The following EYA1 variants were observed in gnomAD, a reference collection of about 807,000 sequenced individuals.
The protein encoded by EYA1 is EYA transcriptional coactivator and phosphatase 1.
In EYA1, 16 loss-of-function variants were observed where a neutral mutation model predicts 82.0. The ratio of observed to expected loss-of-function variants is 0.20; its 90% CI spans 0.13 to 0.30. The LOEUF (loss-of-function observed/expected upper bound fraction) is 0.30, where lower values mean the gene tolerates loss of function less well. Among genes scored for constraint, EYA1 ranks in the 10% least tolerant of loss-of-function variants. The pLI is 1.00. For synonymous variants in EYA1, 261 were observed against 264.4 expected, an observed-to-expected ratio of 0.99 and a Z score of 0.12; for missense variants, 633 against 730.7, an observed-to-expected ratio of 0.87 and a Z score of 1.54.
intron 11 of EYA1, among the ~76,000 whole-genome samples, chr8:71,247,043 T>C (rs1482993208): frequency 6.9e-6 from 1 of 144,018 alleles, no homozygotes; most frequent in Non-Finnish European, 1.5e-5. Flanking sequence ...CTCTAATACT[T>C]CCTACTGTCT....
At chr8:71,258,626 G>A (rs1814729049) in intron 11 of EYA1, among the ~76,000 whole-genome samples, 2 of 152,256 alleles carry the variant, frequency 1.3e-5, no homozygotes, top group South Asian at 4.1e-4. Context: ...GGAGCGGAAG[G>A]GAGTACATTC....
At chr8:71,471,195 G>A (rs943506565) in intron 2 of EYA1, among the ~76,000 whole-genome samples, 2 of 151,844 alleles carry the variant, frequency 1.3e-5, no homozygotes, top group African/African-American at 4.8e-5. Flanking sequence ...CTTACTCTGG[G>A]GAAAGGGTCA....
chr8:71,521,068 A>T (rs10112570), intron 2 of EYA1, among the ~76,000 whole-genome samples: 58 of 147,278 alleles, frequency 3.9e-4, no homozygotes, highest in East Asian at 2.8e-3. Context: ...ACCTCTTTTT[A>T]AAAAAAAAAA....
At chr8:71,400,458 AAC>A (rs1383932769) in intron 2 of EYA1, among the ~76,000 whole-genome samples, 1 of 150,656 alleles carries the variant, frequency 6.6e-6, no homozygotes, top group Admixed American at 6.6e-5. Context: ...AAGAAAAAAA[AAC>A]ATTAAAAAGT....
chr8:71,228,587 G>A (rs1810833722), intron 12 of EYA1, among the ~76,000 whole-genome samples: 1 of 152,152 alleles, frequency 6.6e-6, no homozygotes, highest in Non-Finnish European at 1.5e-5. Flanking sequence ...AAAATATTAT[G>A]TATCATTAGA....
At chr8:71,427,801 C>A (rs933700846) in intron 2 of EYA1, among the ~76,000 whole-genome samples, 1 of 151,990 alleles carries the variant, frequency 6.6e-6, no homozygotes, top group African/African-American at 2.4e-5. Context: ...GGGAGGATTG[C>A]TTGAGTCTAG....
At chr8:71,513,213 T>C (rs563788235) in intron 2 of EYA1, among the ~76,000 whole-genome samples, 1 of 151,724 alleles carries the variant, frequency 6.6e-6, no homozygotes, top group African/African-American at 2.4e-5. Flanking sequence ...GGTGACAAAA[T>C]GTAAATTCAC....
intron 1 of EYA1, among the ~76,000 whole-genome samples, chr8:71,539,476 A>G (rs1411129188): frequency 6.6e-6 from 1 of 152,168 alleles, no homozygotes; most frequent in Non-Finnish European, 1.5e-5. Flanking sequence ...TCTGTTGCTG[A>G]GCAGAATGGG....
intron 9 of EYA1, among the ~76,000 whole-genome samples, chr8:71,277,735 T>C (rs79406200): frequency 0.062 from 9,463 of 152,254 alleles, 385 homozygotes; most frequent in African/African-American, 0.11. Flanking sequence ...GAGAGCATGG[T>C]AAGTGTCTAG....
intron 2 of EYA1, among the ~76,000 whole-genome samples, chr8:71,456,717 C>T (rs574658605): frequency 6.6e-6 from 1 of 152,180 alleles, no homozygotes; most frequent in South Asian, 2.1e-4. Context: ...ATGTAGGAAG[C>T]TGAAACTGGA....
At chr8:71,245,302 C>T (rs1479442624) in intron 11 of EYA1, among the ~76,000 whole-genome samples, 1 of 152,116 alleles carries the variant, frequency 6.6e-6, no homozygotes, top group Non-Finnish European at 1.5e-5. Flanking sequence ...TCTCAGCTCA[C>T]TGCAGCCTCC....
intron 2 of EYA1, among the ~76,000 whole-genome samples, chr8:71,529,085 G>C (rs1814049945): frequency 6.6e-6 from 1 of 152,112 alleles, no homozygotes; most frequent in Admixed American, 6.5e-5. Flanking sequence ...ACAAAATTGA[G>C]GCGTAGAAAT....
At chr8:71,321,179 A>G (rs1029134321) in intron 6 of EYA1, among the ~76,000 whole-genome samples, 2 of 152,192 alleles carry the variant, frequency 1.3e-5, no homozygotes, top group African/African-American at 2.4e-5. Flanking sequence ...GGAAGGAACA[A>G]ATGTCCATGT....
chr8:71,391,776 G>A (rs1829292859), intron 2 of EYA1, among the ~76,000 whole-genome samples: 1 of 152,114 alleles, frequency 6.6e-6, no homozygotes, highest in Non-Finnish European at 1.5e-5. Context: ...TTGGACAGTG[G>A]TTCATACTGT....
At chr8:71,217,437 A>G (rs1809350691) in intron 12 of EYA1, among the ~76,000 whole-genome samples, 1 of 152,254 alleles carries the variant, frequency 6.6e-6, no homozygotes, top group East Asian at 1.9e-4. Context: ...GCTAACTGCC[A>G]ATGAAATTAT....
At chr8:71,315,195 GA>G (rs1240238030) in intron 7 of EYA1, among the ~76,000 whole-genome samples, 1 of 151,572 alleles carries the variant, frequency 6.6e-6, no homozygotes, top group East Asian at 1.9e-4. Flanking sequence ...ACTTCTAAAA[GA>G]AAAAAAATTT....
intron 9 of EYA1, among the ~76,000 whole-genome samples, chr8:71,285,035 C>T (rs1818214767): frequency 6.6e-6 from 1 of 152,294 alleles, no homozygotes; most frequent in South Asian, 2.1e-4. Flanking sequence ...ACCCTCTTGT[C>T]TTCTATATCT....
At chr8:71,413,002 G>A (rs904755660) in intron 2 of EYA1, among the ~76,000 whole-genome samples, 1 of 152,182 alleles carries the variant, frequency 6.6e-6, no homozygotes, top group African/African-American at 2.4e-5. Flanking sequence ...GTGTGAAGCG[G>A]CAGAGTCAGG....
chr8:71,486,721 A>G (rs1372802209), intron 2 of EYA1, among the ~76,000 whole-genome samples: 2 of 152,168 alleles, frequency 1.3e-5, no homozygotes, highest in Non-Finnish European at 2.9e-5. Context: ...TTCTGCTCCC[A>G]GTGGATGCAA....
Sources: gnomAD v4.1 joint callset for allele counts (sites outside exome capture counted in the v4.1 genomes callset) on GRCh38, gnomAD v4.1.1 for gene constraint, MANE v1.5 for transcripts, NCBI Gene and HGNC (gene_info 2026-07-23, HGNC 2026-07-21) for gene names.